UBR3: variants seen among roughly 807,000 people sequenced by gnomAD.
UBR3 encodes the protein ubiquitin protein ligase E3 component n-recognin 3.
A neutral mutation model predicts 243.2 loss-of-function variants in UBR3; 85 were observed. The ratio of observed to expected loss-of-function variants is 0.35; its 90% CI spans 0.29 to 0.42. UBR3 has a LOEUF of 0.42. UBR3 is among the 10% of genes least tolerant of loss of function. The pLI is 1.00. For missense variants in UBR3, 1,686 were observed against 2,300.8 expected (o/e 0.73, Z 5.47); for synonymous variants, 748 against 799.8 (o/e 0.94, Z 1.09).
chr2:169,947,425 A>G (rs540079873), intron 21 of UBR3, 117 bp from the exon 22 acceptor site: 146 of 750,594 alleles, frequency 1.9e-4, no homozygotes, highest in African/African-American at 1.9e-3. Flanking sequence ...TGGATGAGAC[A>G]ATAAGGGATT....
intron 26 of UBR3, among the ~76,000 whole-genome samples, chr2:169,999,248 C>T (rs2089605996): frequency 6.6e-6 from 1 of 152,186 alleles, no homozygotes; most frequent in Admixed American, 6.5e-5. Flanking sequence ...GCTTCTATTT[C>T]AAGCAGCTCC....
At chr2:169,837,901 C>T (rs1455953073) in intron 1 of UBR3, among the ~76,000 whole-genome samples, 6 of 152,186 alleles carry the variant, frequency 3.9e-5, no homozygotes, top group Non-Finnish European at 7.3e-5. Context: ...TATAATGTCA[C>T]CTCTATCACA....
chr2:169,887,849 T>C (rs2084164692), intron 5 of UBR3, among the ~76,000 whole-genome samples: 1 of 151,688 alleles, frequency 6.6e-6, no homozygotes, highest in Non-Finnish European at 1.5e-5. Flanking sequence ...CGATCTTGGC[T>C]CACTGCAACC....
At chr2:169,971,646 C>T (rs887976965) in intron 24 of UBR3, among the ~76,000 whole-genome samples, 9 of 152,096 alleles carry the variant, frequency 5.9e-5, no homozygotes, top group Non-Finnish European at 7.4e-5. Context: ...AGATATGCAG[C>T]GTTGTTTCTG....
At chr2:169,940,272 A>G (rs1266537356) in intron 19 of UBR3, among the ~76,000 whole-genome samples, 1 of 151,794 alleles carries the variant, frequency 6.6e-6, no homozygotes, top group Non-Finnish European at 1.5e-5. Context: ...AAGGCTATGT[A>G]TTTCCTTCTA....
intron 11 of UBR3, among the ~76,000 whole-genome samples, chr2:169,920,469 T>A (rs112164714): frequency 1.1e-4 from 17 of 151,944 alleles, no homozygotes; most frequent in Non-Finnish European, 1.9e-4. Context: ...AGTATAATAA[T>A]AAAGTAAAAG....
chr2:169,926,768 G>C, intron 15 of UBR3, 24 bp downstream of exon 15: 3 of 1,545,890 alleles, frequency 1.9e-6, no homozygotes, highest in Non-Finnish European at 2.6e-6. Context: ...TATTAAGACA[G>C]GTATTAGGAA....
In UBR3 at chr2:169,827,921, C is replaced by T; in HGVS notation, c.414C>T (p.Ile138=). ...CCTACCGCTGCCGGACGTGCGGCAT[C>T]TCGCCCTGCATGTCGCTGTGCGCCG... ...FVAYRCRTCG[I]SPCMSLCAEC... Residue 138 remains isoleucine, a synonymous_variant, in exon 1 of 39, where the codon ATC becomes ATT. Coordinates refer to ENST00000272793, the MANE Select transcript of UBR3 (RefSeq NM_172070.4). 1 of 1,509,604 alleles carries T rather than the reference C, an allele frequency of 6.6e-7. No individual in the cohort carries two copies. Among genetic ancestry groups the T allele is most frequent in the Non-Finnish European group, 8.8e-7 (1 of 1,131,736 alleles). 93.5% of individuals were successfully genotyped at this position (1,509,604 alleles called of 1,614,324 possible). A position where few individuals can be genotyped will look rare whatever the true frequency, so the allele number is the denominator to read the frequency against.
chr2:169,869,468 C>G (rs1374526795), intron 1 of UBR3, among the ~76,000 whole-genome samples: 4 of 152,038 alleles, frequency 2.6e-5, no homozygotes, highest in Non-Finnish European at 5.9e-5. Context: ...AAGCAATCCG[C>G]CCATGTCAGC....
chr2:169,841,793 G>T (rs936732313), intron 1 of UBR3, among the ~76,000 whole-genome samples: 1 of 152,234 alleles, frequency 6.6e-6, no homozygotes, highest in Admixed American at 6.5e-5. Flanking sequence ...GGGACCTGCA[G>T]CCCGCCATGC....
intron 11 of UBR3, among the ~76,000 whole-genome samples, 192 bp from the exon 12 acceptor site, chr2:169,923,737 T>G (rs1246707195): frequency 1.3e-5 from 2 of 152,340 alleles, no homozygotes; most frequent in Middle Eastern, 3.4e-3. Context: ...TTCAAGAAAC[T>G]TATACTTAAG....
chr2:169,840,044 T>C (rs1401287988), intron 1 of UBR3, among the ~76,000 whole-genome samples: 1 of 152,172 alleles, frequency 6.6e-6, no homozygotes, highest in Non-Finnish European at 1.5e-5. Context: ...TGTGTCTCTT[T>C]GTTGTGCTTA....
intron 10 of UBR3, among the ~76,000 whole-genome samples, chr2:169,910,170 T>C (rs2085195953): frequency 6.6e-6 from 1 of 152,118 alleles, no homozygotes; most frequent in African/African-American, 2.4e-5. Flanking sequence ...AGGTTATACA[T>C]TCTAGACCCT....
At chr2:169,856,035 CG>C (rs1435053237) in intron 1 of UBR3, among the ~76,000 whole-genome samples, 3 of 151,532 alleles carry the variant, frequency 2.0e-5, no homozygotes, top group Non-Finnish European at 4.4e-5. Context: ...ACCTGCCAGA[CG>C]GGGCGGCTGC....
At chr2:170,011,966 T>C (rs1275242370) in intron 29 of UBR3, among the ~76,000 whole-genome samples, 1 of 152,142 alleles carries the variant, frequency 6.6e-6, no homozygotes, top group Non-Finnish European at 1.5e-5. Context: ...ATTTTTGGAC[T>C]CAAGTTTCAT....
intron 5 of UBR3, among the ~76,000 whole-genome samples, chr2:169,881,604 C>CT (rs2083830295): frequency 7.1e-6 from 1 of 141,468 alleles, no homozygotes; most frequent in Admixed American, 7.2e-5. Context: ...AGGTATCTAC[C>CT]GTATGTTTCT....
Position 169,891,628 on chromosome 2 carries a change from A to ACACACACACT in UBR3, c.1105+406_1105+407insTCACACACAC, listed in dbSNP as rs1553504901. Among the ~76,000 whole-genome samples, 21 of 151,902 alleles carry ACACACACACT rather than the reference A, an allele frequency of 1.4e-4. No homozygotes were observed. In the South Asian group the frequency reaches 1.9e-3, roughly 14 times the overall value. ...GAGAGACAGAGACACACACACACAC[A>ACACACACACT]CACACACACACAGGGAATGAACAAA... On this transcript the variant is annotated intron_variant, in intron 6 of 38. Transcript: ENST00000272793.
At chr2:169,956,707 C>T (rs2087315433) in intron 23 of UBR3, among the ~76,000 whole-genome samples, 1 of 152,122 alleles carries the variant, frequency 6.6e-6, no homozygotes, top group African/African-American at 2.4e-5. Flanking sequence ...CAGAACTTGA[C>T]TTTGTAGTTG....
chr2:169,987,420 C>A (rs796456177), intron 25 of UBR3, among the ~76,000 whole-genome samples: 1,927 of 140,472 alleles, frequency 0.014, 32 homozygotes, highest in African/African-American at 0.042. Flanking sequence ...AAAAAAAAAA[C>A]AAAAACAATT....
Sources: allele counts gnomAD v4.1 joint callset (sites outside exome capture counted in the v4.1 genomes callset), GRCh38; gene constraint gnomAD v4.1.1; transcripts MANE v1.5; gene names NCBI Gene and HGNC (gene_info 2026-07-23, HGNC 2026-07-21).